The following C6 variants were observed in gnomAD, a reference collection of about 807,000 sequenced individuals.
The protein encoded by C6 is complement component C6.
C6 carries 101 observed loss-of-function variants against 112.9 expected under a neutral mutation model. The observed-to-expected ratio is 0.89, with a 90% CI of 0.76 to 1.06. C6 has a LOEUF of 1.06. C6 is among the 50% of genes least tolerant of loss of function. The probability of loss-of-function intolerance (pLI) is 0.00; values close to 1 mark genes in which losing one functional copy is unlikely to be tolerated. For missense variants in C6, 1,202 were observed against 1,104.6 expected, an observed-to-expected ratio of 1.09 and a Z score of -1.25; for synonymous variants, 431 against 384.1, an observed-to-expected ratio of 1.12 and a Z score of -1.43.
intron 9 of C6, among the ~76,000 whole-genome samples, chr5:41,167,974 C>T (rs1748118572): frequency 1.3e-5 from 2 of 152,098 alleles, no homozygotes; most frequent in Non-Finnish European, 2.9e-5. Flanking sequence ...AAAAAATTTA[C>T]CTTATTCCTG....
At chr5:41,171,838 A>G (rs1400189039) in intron 9 of C6, among the ~76,000 whole-genome samples, 1 of 152,076 alleles carries the variant, frequency 6.6e-6, no homozygotes, top group African/African-American at 2.4e-5. Flanking sequence ...ATAGTCCTTT[A>G]TAGCCTTTTA....
intron 7 of C6, 126 bp downstream of exon 7, chr5:41,181,233 T>C (rs1749312879): frequency 1.2e-6 from 1 of 832,256 alleles, no homozygotes; most frequent in Middle Eastern, 2.8e-4. Context: ...AATGGAAAAA[T>C]TACTTAAATC....
chr5:41,154,985 A>T lies in C6; in HGVS notation c.2088T>A (p.Asp696Glu). 1.2e-6 allele frequency: 2 copies of T among 1,613,814 alleles called. No homozygotes were observed. Among genetic ancestry groups the T allele is most frequent in the East Asian group, 4.5e-5 (2 of 44,858 alleles). Reference protein sequence around the residue: ...CLPDGTWRQGDVECQRTECIK... With the variant: ...CLPDGTWRQGEVECQRTECIK... ...CCCAGTTCTCACGTTGGCATTCCAC[A>T]TCCCCTTGTCTCCAGGTCCCGTCTG... Residue 696 changes from aspartate (D) to glutamate (E), a missense_variant, in exon 14 of 18, where the codon GAT becomes GAA. Transcript: ENST00000337836.
At chr5:41,217,128 TG>T (rs1561183333), upstream of C6, among the ~76,000 whole-genome samples, 2 of 152,162 alleles carry the variant, frequency 1.3e-5, no homozygotes, top group African/African-American at 4.8e-5. Context: ...ACCTCTTCTT[TG>T]GGGGCCATTC....
At chr5:41,220,607 T>C (rs1580218548) in intron 1 of C6, among the ~76,000 whole-genome samples, 1 of 152,176 alleles carries the variant, frequency 6.6e-6, no homozygotes, top group African/African-American at 2.4e-5. Context: ...TGCAGTCATA[T>C]CTCATTTTGG....
At chr5:41,256,582 G>C (rs1467320579) in intron 1 of C6, among the ~76,000 whole-genome samples, 4 of 152,032 alleles carry the variant, frequency 2.6e-5, no homozygotes, top group Non-Finnish European at 5.9e-5. Flanking sequence ...TTTGTGGTTT[G>C]ATGACAGCTA....
chr5:41,222,462 A>T (rs926830322), intron 1 of C6, among the ~76,000 whole-genome samples: 1 of 152,116 alleles, frequency 6.6e-6, no homozygotes, highest in Non-Finnish European at 1.5e-5. Flanking sequence ...GCACAGATGT[A>T]TCTATAACAT....
At chr5:41,217,050 T>A (rs1002089971), upstream of C6, among the ~76,000 whole-genome samples, 1 of 152,128 alleles carries the variant, frequency 6.6e-6, no homozygotes, top group Non-Finnish European at 1.5e-5. Flanking sequence ...GGCCTATGGT[T>A]TCTCTTGCCA....
chr5:41,198,404 C>A (rs1047095108), intron 4 of C6, among the ~76,000 whole-genome samples: 2 of 152,092 alleles, frequency 1.3e-5, no homozygotes, highest in African/African-American at 4.8e-5. Flanking sequence ...ATGACATCAC[C>A]CAGTCCGAAT....
In C6 at chr5:41,195,111, T is replaced by G. The variant is rs182127363; in HGVS notation, c.587+681A>C. ...CTGAGACTGGATGGTAATATAGGTCTGGCTTCTGCCATTAGGCTCTGCTGA... is the reference window on the plus strand; with the variant it reads ...CTGAGACTGGATGGTAATATAGGTCGGGCTTCTGCCATTAGGCTCTGCTGA... On this transcript the variant is annotated intron_variant, in intron 5 of 17. Coordinates refer to ENST00000337836, the MANE Select transcript of C6 (RefSeq NM_000065.5). Among the ~76,000 whole-genome samples the G allele has an allele frequency of 2.3e-3, 344 of 152,354 alleles. 2 individuals are homozygous for G. Among genetic ancestry groups the G allele is most frequent in the Admixed American group, 5.4e-3 (83 of 15,306 alleles).
At chr5:41,234,584 C>T (rs1740134468) in intron 1 of C6, among the ~76,000 whole-genome samples, 1 of 151,942 alleles carries the variant, frequency 6.6e-6, no homozygotes, top group South Asian at 2.1e-4. Flanking sequence ...AATATCATTG[C>T]TCTGTAGTTT....
chr5:41,203,271 A>G (rs1169588324), intron 1 of C6, 21 bp from the exon 2 acceptor site: 1 of 1,612,024 alleles, frequency 6.2e-7, no homozygotes, highest in East Asian at 2.2e-5. Context: ...AGAATACATA[A>G]CACATATCAA....
intron 5 of C6, chr5:41,186,512 C>A: frequency 2.9e-6 from 1 of 344,100 alleles, no homozygotes; most frequent in Admixed American, 4.5e-5. Context: ...AAAGCCAGTG[C>A]AAAGTTTGGA....
intron 9 of C6, 68 bp from the exon 10 acceptor site, chr5:41,161,927 C>A: frequency 6.7e-7 from 1 of 1,496,772 alleles, no homozygotes; most frequent in Non-Finnish European, 9.3e-7. Context: ...AACAAACAAA[C>A]AAAAACCTAT....
intron 1 of C6, among the ~76,000 whole-genome samples, chr5:41,207,216 T>G (rs1341071752): frequency 6.6e-6 from 1 of 151,914 alleles, no homozygotes; most frequent in Non-Finnish European, 1.5e-5. Flanking sequence ...TTACAAGAGC[T>G]CCTGAAGGAA....
chr5:41,211,048 T>C (rs1482939807), intron 1 of C6, among the ~76,000 whole-genome samples: 2 of 152,212 alleles, frequency 1.3e-5, no homozygotes, highest in Non-Finnish European at 2.9e-5. Context: ...CATGGAATAC[T>C]ATGTAGCCAT....
chr5:41,199,044 C>G (rs539899676), intron 4 of C6, among the ~76,000 whole-genome samples: 1 of 152,266 alleles, frequency 6.6e-6, no homozygotes, highest in South Asian at 2.1e-4. Flanking sequence ...CTGACCCCAG[C>G]ATTCCTGTCT....
chr5:41,226,124 C>T (rs1739480713), intron 1 of C6, among the ~76,000 whole-genome samples: 1 of 152,138 alleles, frequency 6.6e-6, no homozygotes, highest in African/African-American at 2.4e-5. Flanking sequence ...AACTAAAGAG[C>T]TTCTGCACAG....
At chr5:41,211,226 G>A (rs566700602) in intron 1 of C6, among the ~76,000 whole-genome samples, 3 of 152,118 alleles carry the variant, frequency 2.0e-5, no homozygotes, top group Admixed American at 6.6e-5. Context: ...ATCATACACC[G>A]GGGCCTGTAG....
Sources: gnomAD v4.1 joint callset for allele counts (sites outside exome capture counted in the v4.1 genomes callset) on GRCh38, gnomAD v4.1.1 for gene constraint, MANE v1.5 for transcripts, NCBI Gene and HGNC (gene_info 2026-07-23, HGNC 2026-07-21) for gene names.